The following PLEKHA5 variants were observed in gnomAD, a reference collection of about 807,000 sequenced individuals.
PLEKHA5 encodes pleckstrin homology domain-containing family A member 5.
In PLEKHA5, 55 loss-of-function variants were observed where a neutral mutation model predicts 181.9. That is an observed-to-expected ratio of 0.30 (90% CI 0.24 to 0.38). The LOEUF (loss-of-function observed/expected upper bound fraction) is 0.38. PLEKHA5 is among the 10% of genes least tolerant of loss of function. PLEKHA5 has a pLI of 1.00. For missense variants in PLEKHA5, 1,432 were observed against 1,549.5 expected (o/e 0.92, Z 1.27); for synonymous variants, 535 against 529.4 (o/e 1.01, Z -0.15).
At chr12:19,161,259 C>T (rs1301287426) in intron 3 of PLEKHA5, among the ~76,000 whole-genome samples, 2 of 152,016 alleles carry the variant, frequency 1.3e-5, no homozygotes, top group African/African-American at 2.4e-5. Context: ...TGAAATGTGC[C>T]AATTGCCCTC....
intron 7 of PLEKHA5, among the ~76,000 whole-genome samples, chr12:19,264,525 G>A (rs982963052): frequency 6.6e-6 from 1 of 152,152 alleles, no homozygotes; most frequent in South Asian, 2.1e-4. Context: ...CACATTCTCT[G>A]TAATTCATGA....
At chr12:19,369,299 T>C (rs139938544) in intron 30 of PLEKHA5, among the ~76,000 whole-genome samples, 3,047 of 150,148 alleles carry the variant, frequency 0.02, 46 homozygotes, top group Middle Eastern at 0.035. Flanking sequence ...CCTCCCAAAG[T>C]GGTGGGATTA....
chr12:19,136,710 A>G (rs1340472586), intron 3 of PLEKHA5, among the ~76,000 whole-genome samples: 1 of 152,220 alleles, frequency 6.6e-6, no homozygotes, highest in Non-Finnish European at 1.5e-5. Flanking sequence ...GGGTATCAAA[A>G]CAATATTTGC....
chr12:19,305,138 G>A (rs1265160471), intron 15 of PLEKHA5, among the ~76,000 whole-genome samples: 3 of 152,172 alleles, frequency 2.0e-5, no homozygotes, highest in Non-Finnish European at 4.4e-5. Flanking sequence ...CTGAAGCTGA[G>A]GTGGTCCTTG....
intron 3 of PLEKHA5, among the ~76,000 whole-genome samples, chr12:19,163,496 T>G (rs893737110): frequency 6.6e-6 from 1 of 152,114 alleles, no homozygotes; most frequent in African/African-American, 2.4e-5. Context: ...TCACTTTCAT[T>G]TGCTCTTTTC....
rs184438368 is a variant in PLEKHA5 at position 19,252,603 on chromosome 12, C to G, written c.228-1337C>G. Among the ~76,000 whole-genome samples the G allele has an allele frequency of 7.2e-5, 11 of 152,050 alleles. No individual in the cohort carries two copies. The East Asian group carries it at 1.9e-3, about 27-fold the overall frequency. On this transcript the variant is annotated intron_variant, in intron 3 of 31. Transcript: ENST00000429027. Reference sequence around the variant, plus strand: ...ATTTCTTAGGCAAACATCTTTTTCTCCAAAAATAGTCATAACTTAATTCAA... The same window carrying G: ...ATTTCTTAGGCAAACATCTTTTTCTGCAAAAATAGTCATAACTTAATTCAA...
At chr12:19,367,412 C>A (rs373196781) in intron 30 of PLEKHA5, among the ~76,000 whole-genome samples, 1 of 150,984 alleles carries the variant, frequency 6.6e-6, no homozygotes, top group South Asian at 2.1e-4. Flanking sequence ...CCCACCACCA[C>A]GCCCAGCTAA....
chr12:19,132,746 G>C (rs1267663694), intron 3 of PLEKHA5, among the ~76,000 whole-genome samples: 1 of 144,408 alleles, frequency 6.9e-6, no homozygotes, highest in Non-Finnish European at 1.5e-5. Flanking sequence ...GAATCGTCCA[G>C]CTTCATCAGA....
chr12:19,169,766 G>T (rs1472997463), intron 3 of PLEKHA5, among the ~76,000 whole-genome samples: 2 of 152,138 alleles, frequency 1.3e-5, no homozygotes, highest in African/African-American at 4.8e-5. Context: ...GTAAAAACCA[G>T]GTCAAGATTT....
intron 3 of PLEKHA5, among the ~76,000 whole-genome samples, chr12:19,232,699 A>G (rs1368496974): frequency 6.6e-6 from 1 of 152,056 alleles, no homozygotes; most frequent in Non-Finnish European, 1.5e-5. Flanking sequence ...AAATCATTCA[A>G]CTCTTCCAGT....
intron 3 of PLEKHA5, among the ~76,000 whole-genome samples, chr12:19,147,646 T>C (rs1164843815): frequency 6.6e-6 from 1 of 151,960 alleles, no homozygotes; most frequent in Non-Finnish European, 1.5e-5. Context: ...GAATGAATTA[T>C]TACCAGTAAA....
At chr12:19,194,159 C>T (rs773863573) in intron 3 of PLEKHA5, among the ~76,000 whole-genome samples, 3 of 152,184 alleles carry the variant, frequency 2.0e-5, no homozygotes, top group African/African-American at 4.8e-5. Flanking sequence ...CATGTGTACA[C>T]GTTATTTAGT....
At chr12:19,228,751 C>G (rs1229334251) in intron 3 of PLEKHA5, among the ~76,000 whole-genome samples, 1 of 152,144 alleles carries the variant, frequency 6.6e-6, no homozygotes, top group Non-Finnish European at 1.5e-5. Context: ...CCCACCCACA[C>G]CTAGACATTC....
chr12:19,369,828 T>C (rs779404428), intron 31 of PLEKHA5, 30 bp downstream of exon 31: 3 of 1,349,658 alleles, frequency 2.2e-6, no homozygotes, highest in Non-Finnish European at 3.1e-6. Context: ...ATTTGTGCTT[T>C]AGTTTTTTAC....
At chr12:19,280,036 GTTTTTTTTTTTTTTT>G (rs869050795) in intron 11 of PLEKHA5, among the ~76,000 whole-genome samples, 3 of 54,492 alleles carry the variant, frequency 5.5e-5, no homozygotes, top group African/African-American at 2.0e-4. Flanking sequence ...AATGAAACCT[GTTTTTTTTTTTTTTT>G]TTTTTTTTTT....
At chr12:19,279,840 C>G (rs1413657917) in intron 11 of PLEKHA5, among the ~76,000 whole-genome samples, 1 of 151,730 alleles carries the variant, frequency 6.6e-6, no homozygotes, top group Non-Finnish European at 1.5e-5. Context: ...AACCACTTTT[C>G]CTGTTTTACT....
chr12:19,255,077 A>C lies in PLEKHA5; in HGVS notation c.344A>C (p.Lys115Thr), dbSNP rs752692613. The change falls in exon 5 of 32, where the codon AAG becomes ACG. Residue 115 changes from lysine (K) to threonine (T), a missense_variant. Physicochemically the swap from Lys to Thr is moderately conservative, Grantham distance 78 (BLOSUM62 -1). This residue lies in a region of PLEKHA5 where 289 missense variants were observed against 381.1 expected (regional missense o/e 0.76). Transcript: ENST00000429027. ...TVATMTSEEK[K>T]ERPISMINEA... is the part of the protein sequence containing the mutation. ...GCAACCATGACATCTGAAGAAAAGA[A>C]GGAACGGCCAATAAGTATGATAAAT... The C allele has an allele frequency of 1.9e-6, 3 of 1,610,070 alleles. No homozygotes were observed. Among genetic ancestry groups the C allele is most frequent in the Admixed American group, 3.3e-5 (2 of 59,938 alleles).
chr12:19,227,027 C>A (rs982264693), intron 3 of PLEKHA5, among the ~76,000 whole-genome samples: 2 of 151,942 alleles, frequency 1.3e-5, no homozygotes, highest in Non-Finnish European at 2.9e-5. Context: ...CAGTTCCATA[C>A]CTCTTTTGTG....
Position 19,129,772 on chromosome 12 carries a change from AGGCGGC to A in PLEKHA5, c.-18_-13del, listed in dbSNP as rs746584375. On this transcript the variant is annotated 5_prime_UTR_variant, in exon 1 of 32. Transcript: ENST00000429027. ...CGGCAGCCGCGGCGGCAGCAGGAGA[AGGCGGC>A]GGCGGCGGCTAGGGATCAGACATGG... The A allele has an allele frequency of 1.3e-6, 2 of 1,528,034 alleles. No homozygotes were observed. The highest frequency in any genetic ancestry group is 1.2e-5 in the South Asian group (1 of 86,632). The allele number at this position is 1,528,034 out of a possible 1,614,324, so 94.7% of individuals were successfully genotyped here.
Sources: gnomAD v4.1 joint callset for allele counts (sites outside exome capture counted in the v4.1 genomes callset) on GRCh38, gnomAD v4.1.1 for gene constraint, gnomAD v4.1.1 regional missense constraint, MANE v1.5 for transcripts, NCBI Gene and HGNC (gene_info 2026-07-23, HGNC 2026-07-21) for gene names.